FAM210A: variants seen among roughly 807,000 people sequenced by gnomAD.
FAM210A encodes family with sequence similarity 210 member A.
Under a neutral mutation model 25.3 loss-of-function variants are expected in FAM210A, and 13 were observed. The ratio of observed to expected loss-of-function variants is 0.51; its 90% CI spans 0.33 to 0.82. The LOEUF is 0.82. FAM210A is among the 40% of genes least tolerant of loss of function. The probability of loss-of-function intolerance (pLI) is 0.02; values close to 1 mark genes in which losing one functional copy is unlikely to be tolerated. For missense variants in FAM210A, 319 were observed against 323.2 expected (o/e 0.99, Z 0.10); for synonymous variants, 125 against 118.7 (o/e 1.05, Z -0.35).
At chr18:13,719,265 G>A (rs1026189594) in intron 1 of FAM210A, among the ~76,000 whole-genome samples, 4 of 151,894 alleles carry the variant, frequency 2.6e-5, no homozygotes, top group African/African-American at 7.3e-5. Context: ...CAGATAGCAA[G>A]GAAGAGTTAC....
chr18:13,708,608 G>C (rs1183769751), intron 1 of FAM210A, among the ~76,000 whole-genome samples: 1 of 152,186 alleles, frequency 6.6e-6, no homozygotes, highest in Non-Finnish European at 1.5e-5. Context: ...TAGCAGCTCT[G>C]AGACAAGCAT....
chr18:13,710,326 G>A (rs2043811702), intron 1 of FAM210A: 1 of 152,426 alleles, frequency 6.6e-6, no homozygotes, highest in South Asian at 2.1e-4. Flanking sequence ...TGGGACTACA[G>A]ATGTGTGCCA....
intron 2 of FAM210A, among the ~76,000 whole-genome samples, chr18:13,672,648 T>TCTGC (rs2043453354): frequency 6.6e-6 from 1 of 152,194 alleles, no homozygotes; most frequent in Non-Finnish European, 1.5e-5. Context: ...GACCTCATGA[T>TCTGC]CTGCCCGCCG....
intron 1 of FAM210A, among the ~76,000 whole-genome samples, chr18:13,686,734 C>T (rs916470511): frequency 7.2e-5 from 11 of 152,156 alleles, no homozygotes; most frequent in African/African-American, 2.7e-4. Flanking sequence ...AAAGACTTTA[C>T]TAACCCTATA....
intron 1 of FAM210A, among the ~76,000 whole-genome samples, chr18:13,705,537 T>C (rs1479861494): frequency 6.6e-6 from 1 of 152,160 alleles, no homozygotes; most frequent in Non-Finnish European, 1.5e-5. Flanking sequence ...AGTGGCATGA[T>C]CTCGGCCCAC....
intron 1 of FAM210A, among the ~76,000 whole-genome samples, chr18:13,694,126 T>C (rs2043673243): frequency 6.6e-6 from 1 of 152,202 alleles, no homozygotes; most frequent in East Asian, 1.9e-4. Flanking sequence ...CCATTCACAA[T>C]TGCTTCAAAG....
At chr18:13,677,497 C>T (rs189498321) in intron 2 of FAM210A, among the ~76,000 whole-genome samples, 155 of 152,326 alleles carry the variant, frequency 1.0e-3, no homozygotes, top group Non-Finnish European at 2.1e-3. Context: ...GAACAGAACA[C>T]AACACAACAG....
chr18:13,698,819 ACCCCTCC>A (rs1243521350), intron 1 of FAM210A, among the ~76,000 whole-genome samples: 1 of 151,816 alleles, frequency 6.6e-6, no homozygotes, highest in Non-Finnish European at 1.5e-5. Context: ...TACCGCCCAG[ACCCCTCC>A]CCCCGATACC....
At chr18:13,714,557 A>G (rs765817125) in intron 1 of FAM210A, among the ~76,000 whole-genome samples, 7 of 152,146 alleles carry the variant, frequency 4.6e-5, no homozygotes, top group Non-Finnish European at 5.9e-5. Flanking sequence ...CAAGATGCAT[A>G]AAGTGAACTC....
intron 1 of FAM210A, among the ~76,000 whole-genome samples, chr18:13,706,575 A>G (rs2043779710): frequency 6.6e-6 from 1 of 152,222 alleles, no homozygotes; most frequent in Non-Finnish European, 1.5e-5. Context: ...GAACATTGCC[A>G]GGAGGCCTTC....
chr18:13,717,122 A>G (rs1257602683), intron 1 of FAM210A, among the ~76,000 whole-genome samples: 1 of 152,198 alleles, frequency 6.6e-6, no homozygotes, highest in African/African-American at 2.4e-5. Context: ...GATAGAGAGC[A>G]TCCAATCCTC....
At chr18:13,666,821 T>G in intron 3 of FAM210A, 108 bp from the exon 4 acceptor site, 1 of 948,982 alleles carries the variant, frequency 1.1e-6, no homozygotes, top group South Asian at 1.6e-5. Context: ...CAGAATAAAT[T>G]GCCTCATTGT....
chr18:13,667,615 A>C (rs1294149686), intron 3 of FAM210A, among the ~76,000 whole-genome samples: 1 of 152,190 alleles, frequency 6.6e-6, no homozygotes, highest in African/African-American at 2.4e-5. Flanking sequence ...GATATTTGAG[A>C]AGCTGAGGCA....
intron 2 of FAM210A, among the ~76,000 whole-genome samples, chr18:13,679,389 T>C (rs1403072797): frequency 6.6e-6 from 1 of 152,256 alleles, no homozygotes; most frequent in Non-Finnish European, 1.5e-5. Context: ...TTTAGTATAA[T>C]CAACTTCAAC....
intron 1 of FAM210A, chr18:13,715,245 C>T (rs1037090397): frequency 2.0e-5 from 3 of 152,168 alleles, no homozygotes; most frequent in Non-Finnish European, 4.4e-5. Flanking sequence ...TGGTCCTCTG[C>T]TCCAGGGAGG....
At chr18:13,694,948 A>C (rs2043679666) in intron 1 of FAM210A, among the ~76,000 whole-genome samples, 1 of 152,262 alleles carries the variant, frequency 6.6e-6, no homozygotes, top group Non-Finnish European at 1.5e-5. Flanking sequence ...GAATGGGAGA[A>C]AACTTTTATA....
intron 1 of FAM210A, among the ~76,000 whole-genome samples, chr18:13,683,558 C>G (rs1030088968): frequency 3.7e-5 from 4 of 106,956 alleles, no homozygotes; most frequent in African/African-American, 1.1e-4. Flanking sequence ...AGCAAGACTG[C>G]AAGCCTTTTT....
chr18:13,711,521 C>T (rs4797804), intron 1 of FAM210A, among the ~76,000 whole-genome samples: 52,086 of 152,082 alleles, frequency 0.34, 10,879 homozygotes, highest in East Asian at 0.83. Flanking sequence ...CCTTTTGGGC[C>T]TTTCATTCTG....
chr18:13,708,531 A>G (rs141873377), intron 1 of FAM210A, among the ~76,000 whole-genome samples: 1 of 152,354 alleles, frequency 6.6e-6, no homozygotes, highest in Non-Finnish European at 1.5e-5. Context: ...GCTTATTAGC[A>G]TAACCTGTTA....
Sources: allele counts gnomAD v4.1 joint callset (sites outside exome capture counted in the v4.1 genomes callset), GRCh38; gene constraint gnomAD v4.1.1; transcripts MANE v1.5; gene names NCBI Gene and HGNC (gene_info 2026-07-23, HGNC 2026-07-21).